The following NUDT3 variants were observed in gnomAD, a reference collection of about 807,000 sequenced individuals.
NUDT3 encodes the protein diphosphoinositol polyphosphate phosphohydrolase 1.
NUDT3 carries 9 observed loss-of-function variants against 23.6 expected under a neutral mutation model. The observed-to-expected ratio is 0.38, with a 90% confidence interval of 0.23 to 0.66. The LOEUF (loss-of-function observed/expected upper bound fraction) is 0.66, where lower values mean the gene tolerates loss of function less well. NUDT3 is among the 30% of genes least tolerant of loss of function. The probability of loss-of-function intolerance (pLI) is 0.52; values close to 1 mark genes in which losing one functional copy is unlikely to be tolerated. For synonymous variants in NUDT3, 86 were observed against 82.6 expected (o/e 1.04, Z -0.22); for missense variants, 172 against 218.5 (o/e 0.79, Z 1.34).
At chr6:34,302,753 C>CA (rs972222997) in intron 2 of NUDT3, among the ~76,000 whole-genome samples, 13 of 151,912 alleles carry the variant, frequency 8.6e-5, no homozygotes, top group African/African-American at 3.1e-4. Flanking sequence ...AAACAAAAAA[C>CA]AAAAAAACAC....
At chr6:34,364,921 T>TGAGGCAGGAGAATGGCGTG (rs1375859994) in intron 1 of NUDT3, among the ~76,000 whole-genome samples, 2 of 152,076 alleles carry the variant, frequency 1.3e-5, no homozygotes, top group Non-Finnish European at 2.9e-5. Flanking sequence ...CTCAGGAGGC[T>TGAGGCAGGAGAATGGCGTG]GAGGCAGGAG....
At chr6:34,325,596 C>T (rs1355809203) in intron 2 of NUDT3, among the ~76,000 whole-genome samples, 2 of 152,184 alleles carry the variant, frequency 1.3e-5, no homozygotes, top group Non-Finnish European at 2.9e-5. Flanking sequence ...AATAAAGATG[C>T]TTCCTCACAC....
At chr6:34,363,271 T>C (rs1764676734) in intron 1 of NUDT3, among the ~76,000 whole-genome samples, 1 of 152,182 alleles carries the variant, frequency 6.6e-6, no homozygotes, top group Non-Finnish European at 1.5e-5. Flanking sequence ...TCCAGATCCA[T>C]ATCTCAACTC....
intron 1 of NUDT3, among the ~76,000 whole-genome samples, chr6:34,387,374 G>C (rs1378726892): frequency 6.6e-6 from 1 of 152,142 alleles, no homozygotes; most frequent in Admixed American, 6.6e-5. Context: ...CAGTGATACT[G>C]ATGATCCTGA....
chr6:34,302,261 C>T (rs796601631), intron 2 of NUDT3, among the ~76,000 whole-genome samples: 77 of 151,776 alleles, frequency 5.1e-4, no homozygotes, highest in African/African-American at 1.8e-3. Context: ...AACTGCTGGG[C>T]TCAGGCAATT....
At chr6:34,339,495 A>G (rs1354767022) in intron 2 of NUDT3, among the ~76,000 whole-genome samples, 1 of 152,232 alleles carries the variant, frequency 6.6e-6, no homozygotes, top group Non-Finnish European at 1.5e-5. Context: ...ATTCTGATAC[A>G]GTAGATCTGG....
At chr6:34,343,170 G>A (rs1402305055) in intron 1 of NUDT3, among the ~76,000 whole-genome samples, 1 of 152,056 alleles carries the variant, frequency 6.6e-6, no homozygotes, top group Non-Finnish European at 1.5e-5. Flanking sequence ...TATAAGCTCT[G>A]CTTTGATTAA....
intron 1 of NUDT3, among the ~76,000 whole-genome samples, chr6:34,365,291 A>T (rs1371183094): frequency 6.7e-6 from 1 of 149,266 alleles, no homozygotes; most frequent in Non-Finnish European, 1.5e-5. Context: ...TTAGCCAGGC[A>T]TGGTGGCAGG....
intron 2 of NUDT3, among the ~76,000 whole-genome samples, chr6:34,317,773 T>C (rs960197758): frequency 3.9e-5 from 6 of 152,162 alleles, no homozygotes; most frequent in Non-Finnish European, 8.8e-5. Flanking sequence ...GTCACATAAA[T>C]ATATACAAGA....
rs76172883 is a variant in NUDT3 at position 34,349,172 on chromosome 6, G to C, written c.100-7200C>G. 4.4e-3 allele frequency among the ~76,000 whole-genome samples: 673 copies of C among 152,228 alleles called. 1 individual carries two copies. The highest frequency in any genetic ancestry group is 0.015 in the African/African-American group (642 of 41,552). On this transcript the variant is annotated intron_variant, in intron 1 of 4. Transcript: ENST00000607016. Reference sequence around the variant, plus strand: ...TGAGTTGGCCTCTAAAACCCAATTTGAGTTTTAGAAAGGTTACTTTGACAT... The same window carrying C: ...TGAGTTGGCCTCTAAAACCCAATTTCAGTTTTAGAAAGGTTACTTTGACAT...
At chr6:34,366,045 A>AT (rs1161228407) in intron 1 of NUDT3, among the ~76,000 whole-genome samples, 2 of 151,610 alleles carry the variant, frequency 1.3e-5, no homozygotes, top group African/African-American at 4.8e-5. Flanking sequence ...TGTCTCAAAA[A>AT]ATATATATAA....
In NUDT3 at chr6:34,347,128, T is replaced by C. The variant is rs535327207; in HGVS notation, c.100-5156A>G. ...CCTTCCTATCATATAAAGTACTAAATGGTGTTCTGTTCAGTAAATTCTTAT... is the reference window on the plus strand; with the variant it reads ...CCTTCCTATCATATAAAGTACTAAACGGTGTTCTGTTCAGTAAATTCTTAT... On this transcript the variant is annotated intron_variant, in intron 1 of 4. Transcript: ENST00000607016. 3.7e-3 allele frequency among the ~76,000 whole-genome samples: 564 copies of C among 152,314 alleles called. 1 individual carries two copies. The highest frequency in any genetic ancestry group is 6.4e-3 in the Non-Finnish European group (437 of 68,018).
rs1238493144 is a variant in NUDT3 at position 34,284,953 on chromosome 6, G to C, written c.*3800C>G. On this transcript the variant is annotated 3_prime_UTR_variant, in exon 5 of 5. Transcript: ENST00000607016. ...CAGTGACCTACTCTGCTCCCCAGAG[G>C]CTCCAAGAAGCAAGGCCTCAAGTGC... 6.6e-6 allele frequency: 1 copy of C among 152,146 alleles called. No homozygotes were observed. Among genetic ancestry groups the C allele is most frequent in the Non-Finnish European group, 1.5e-5 (1 of 68,046 alleles). The allele number at this position is 152,146 out of a possible 1,614,324, so 9.4% of individuals were successfully genotyped here. A position where few individuals can be genotyped will look rare whatever the true frequency, so the allele number is the denominator to read the frequency against.
rs200729933 is a variant in NUDT3 at position 34,288,716 on chromosome 6, G to A, written c.*37C>T. On this transcript the variant is annotated 3_prime_UTR_variant, in exon 5 of 5. Transcript: ENST00000607016. The stretch of plus-strand genomic sequence containing the variant: ...GAGGGAAGATTTGCACTTCAGTCTA[G>A]TTTCCAATTTCCATTTCTCTTACAG... 2 of 1,588,270 alleles carry A rather than the reference G, an allele frequency of 1.3e-6. No individual in the cohort carries two copies. The highest frequency in any genetic ancestry group is 1.7e-6 in the Non-Finnish European group (2 of 1,168,896).
intron 1 of NUDT3, among the ~76,000 whole-genome samples, chr6:34,371,876 C>G (rs1261588198): frequency 6.6e-6 from 1 of 151,934 alleles, no homozygotes; most frequent in Admixed American, 6.6e-5. Context: ...GGTATATCTC[C>G]TAATGCTATC....
rs191857854 is a variant in NUDT3 at position 34,294,751 on chromosome 6, A to G, written c.255+890T>C. On this transcript the variant is annotated intron_variant, in intron 3 of 4. Coordinates refer to ENST00000607016, the MANE Select transcript of NUDT3 (RefSeq NM_006703.4). The stretch of plus-strand genomic sequence containing the variant: ...AAAAAAAAAAAAAAGATTTATTTAC[A>G]TATCTATTTTTTCATCAGAGACCTT... Among the ~76,000 whole-genome samples the G allele has an allele frequency of 3.6e-3, 545 of 152,016 alleles. 5 individuals carry two copies. The highest frequency in any genetic ancestry group is 7.7e-3 in the Admixed American group (117 of 15,252).
At chr6:34,374,156 CAAAAAAA>C (rs397888346) in intron 1 of NUDT3, among the ~76,000 whole-genome samples, 853 of 64,698 alleles carry the variant, frequency 0.013, 7 homozygotes, top group Middle Eastern at 0.048. Context: ...GGCTCCCTCT[CAAAAAAA>C]AAAAAAAAAA....
At chr6:34,364,937 C>A in intron 1 of NUDT3, among the ~76,000 whole-genome samples, 1 of 152,146 alleles carries the variant, frequency 6.6e-6, no homozygotes, top group East Asian at 1.9e-4. Context: ...AGGAGAATGG[C>A]GTGAACCCAG....
At chr6:34,389,275 T>C (rs904841419) in intron 1 of NUDT3, among the ~76,000 whole-genome samples, 1 of 152,196 alleles carries the variant, frequency 6.6e-6, no homozygotes, top group Non-Finnish European at 1.5e-5. Flanking sequence ...CCAATGGTTT[T>C]ACAAGTGTTT....
Sources: gnomAD v4.1 joint callset for allele counts (sites outside exome capture counted in the v4.1 genomes callset) on GRCh38, gnomAD v4.1.1 for gene constraint, MANE v1.5 for transcripts, NCBI Gene and HGNC (gene_info 2026-07-23, HGNC 2026-07-21) for gene names.